Variants in POM121C observed in about 807,000 individuals in gnomAD.
The protein encoded by POM121C is POM121 transmembrane nucleoporin C.
A neutral mutation model predicts 66.4 loss-of-function variants in POM121C; 20 were observed. The ratio of observed to expected loss-of-function variants is 0.30; its 90% CI spans 0.21 to 0.44. The LOEUF is 0.44. Among genes scored for constraint, POM121C ranks in the 20% least tolerant of loss-of-function variants. POM121C has a pLI of 1.00. For missense variants in POM121C, 580 were observed against 1,225.7 expected, an observed-to-expected ratio of 0.47 and a Z score of 7.87; for synonymous variants, 286 against 528.0, an observed-to-expected ratio of 0.54 and a Z score of 6.28.
chr7:75,440,295 C>T (rs1790584733), intron 5 of POM121C, among the ~76,000 whole-genome samples: 1 of 151,400 alleles, frequency 6.6e-6, no homozygotes, highest in African/African-American at 2.4e-5. Context: ...GGGCCGGGCG[C>T]CATGGCTCAA....
chr7:75,482,654 C>T (rs1449263202), intron 1 of POM121C, among the ~76,000 whole-genome samples: 6 of 152,044 alleles, frequency 3.9e-5, no homozygotes, highest in African/African-American at 1.5e-4. Context: ...CACGTCTCTA[C>T]ACTCCAACCT....
chr7:75,441,037 C>T lies in POM121C; in HGVS notation c.144G>A (p.Leu48=). The stretch of plus-strand genomic sequence containing the variant: ...TCTTCTTCTTCTCTTTGAGGGCACT[C>T]AGTACAGTCTCCTTTGCACATGGGT... ...APDPCAKETV[L]SALKEKKKKR... The change falls in exon 5 of 15, where the codon CTG becomes CTA. Residue 48 remains leucine, a synonymous_variant. Transcript: ENST00000615331. 1 of 1,613,960 alleles carries T rather than the reference C, an allele frequency of 6.2e-7. No individual in the cohort carries two copies. Among genetic ancestry groups the T allele is most frequent in the African/African-American group, 1.3e-5 (1 of 75,038 alleles).
chr7:75,428,593 A>G (rs1289454241), intron 7 of POM121C, among the ~76,000 whole-genome samples: 1 of 152,152 alleles, frequency 6.6e-6, no homozygotes, highest in Admixed American at 6.5e-5. Flanking sequence ...AGTTAAAGTA[A>G]TAAAATTAAA....
Position 75,445,056 on chromosome 7 carries a change from CAT to C in POM121C, c.-151-3411_-151-3410del, listed in dbSNP as rs1790786912. 2.7e-5 allele frequency among the ~76,000 whole-genome samples: 4 copies of C among 147,782 alleles called. No homozygotes were observed. The Admixed American group carries it at 2.7e-4, about 10-fold the overall frequency. ...CAAGACTGGGAAAAACAACGTAACA[CAT>C]ATAACCAAAAGAGGATTCATAAGTA... On this transcript the variant is annotated intron_variant, in intron 3 of 14. Coordinates refer to ENST00000615331, the MANE Select transcript of POM121C (RefSeq NM_001099415.3).
intron 3 of POM121C, among the ~76,000 whole-genome samples, chr7:75,461,192 G>A (rs1382682596): frequency 3.3e-5 from 5 of 151,964 alleles, no homozygotes; most frequent in African/African-American, 9.7e-5. Context: ...AAAATGCAAC[G>A]TTCTCAACAA....
intron 7 of POM121C, among the ~76,000 whole-genome samples, chr7:75,436,909 T>C (rs1367704692): frequency 1.3e-5 from 2 of 152,010 alleles, no homozygotes; most frequent in Non-Finnish European, 2.9e-5. Flanking sequence ...GCATGAGCCA[T>C]CCCGCCCAGC....
In POM121C at chr7:75,416,905, C is replaced by T; in HGVS notation, c.*1891G>A. ...AGTCTCTATTTGTAATGGAAAGTCC[C>T]AGCCTCCCGCTGCCGTCCAGTGTGT... On this transcript the variant is annotated 3_prime_UTR_variant, in exon 15 of 15. Coordinates refer to ENST00000615331, the MANE Select transcript of POM121C (RefSeq NM_001099415.3). 4.9e-6 allele frequency: 7 copies of T among 1,432,750 alleles called. 1 individual carries two copies. The South Asian group carries it at 1.1e-4, about 22-fold the overall frequency. 88.8% of individuals were successfully genotyped at this position (1,432,750 alleles called of 1,614,324 possible). A position where few individuals can be genotyped will look rare whatever the true frequency, so the allele number is the denominator to read the frequency against.
At chr7:75,472,043 G>A (rs1252981459) in intron 3 of POM121C, among the ~76,000 whole-genome samples, 2 of 151,670 alleles carry the variant, frequency 1.3e-5, no homozygotes, top group Admixed American at 6.6e-5. Context: ...CCACCACCAC[G>A]CCCGGCTAAT....
chr7:75,471,009 A>G lies in POM121C; in HGVS notation c.-152+3695T>C, dbSNP rs1791853565. ...ACAATCTGAAAAAGGAATAAAACCC[A>G]AAGATTGACAACGGGCTAGAAAACC... On this transcript the variant is annotated intron_variant, in intron 3 of 14. Transcript: ENST00000615331. Among the ~76,000 whole-genome samples, 8 of 151,960 alleles carry G rather than the reference A, an allele frequency of 5.3e-5. No homozygotes were observed. The South Asian group carries it at 1.7e-3, about 32-fold the overall frequency.
chr7:75,468,522 T>C (rs587594006), intron 3 of POM121C, among the ~76,000 whole-genome samples: 1 of 152,204 alleles, frequency 6.6e-6, no homozygotes, highest in South Asian at 2.1e-4. Context: ...TTTCGCCATG[T>C]TGGCCAGGCT....
Position 75,475,174 on chromosome 7 carries a change from G to A in POM121C, c.-443C>T, listed in dbSNP as rs587673244. ...GGGTGAAATCCACAGCCACATCTTTGAATGACACTGGCCCCTGTAATGGCA... is the reference window on the plus strand; with the variant it reads ...GGGTGAAATCCACAGCCACATCTTTAAATGACACTGGCCCCTGTAATGGCA... On this transcript the variant is annotated 5_prime_UTR_variant, in exon 2 of 15. Transcript: ENST00000615331. 45 of 1,515,228 alleles carry A rather than the reference G, an allele frequency of 3.0e-5. No homozygotes were observed. The Admixed American group carries it at 5.5e-4, about 18-fold the overall frequency. The allele number at this position is 1,515,228 out of a possible 1,614,324, so 93.9% of individuals were successfully genotyped here. A position where few individuals can be genotyped will look rare whatever the true frequency, so the allele number is the denominator to read the frequency against.
At chr7:75,437,960 G>T (rs1463197980) in intron 6 of POM121C, among the ~76,000 whole-genome samples, 1 of 152,152 alleles carries the variant, frequency 6.6e-6, no homozygotes, top group Admixed American at 6.5e-5. Flanking sequence ...GACACGGGTG[G>T]AACTAAAGAG....
chr7:75,435,486 C>G (rs1298178465), intron 7 of POM121C, among the ~76,000 whole-genome samples: 1 of 151,880 alleles, frequency 6.6e-6, no homozygotes, highest in Non-Finnish European at 1.5e-5. Context: ...TTTCAAACAA[C>G]AAGTATTTTA....
At chr7:75,473,969 T>A (rs1179559489) in intron 3 of POM121C, among the ~76,000 whole-genome samples, 4 of 152,146 alleles carry the variant, frequency 2.6e-5, no homozygotes, top group Non-Finnish European at 5.9e-5. Flanking sequence ...ATTACAGGCG[T>A]TAGCCACCGC....
Position 75,419,434 on chromosome 7 carries a change from T to A in POM121C, c.2752A>T (p.Thr918Ser), listed in dbSNP as rs781854261. ...GGGGTGTTCTGACCAAAGGTGGGGG[T>A]GGCGGTGCCTGGAATGAAGAGAACA... ...ESKPVFGGTATPTFGQNTPAP... is the reference protein window; with the variant it reads ...ESKPVFGGTASPTFGQNTPAP... The change falls in exon 14 of 15, where the codon ACC becomes TCC. Residue 918 changes from threonine to serine, a missense_variant. Transcript: ENST00000615331. 5.6e-6 allele frequency: 9 copies of A among 1,613,054 alleles called. No homozygotes were observed. In the South Asian group the frequency reaches 6.6e-5, roughly 12 times the overall value.
intron 3 of POM121C, among the ~76,000 whole-genome samples, chr7:75,450,639 A>T (rs587657521): frequency 1.3e-5 from 2 of 152,258 alleles, no homozygotes; most frequent in Non-Finnish European, 2.9e-5. Flanking sequence ...AGCTGAACAC[A>T]TGCTAAAAGA....
In POM121C at chr7:75,476,616, C is replaced by A. The variant is rs186780174; in HGVS notation, c.-457-1428G>T. 1.2e-4 allele frequency among the ~76,000 whole-genome samples: 19 copies of A among 152,156 alleles called. No homozygotes were observed. The East Asian group carries it at 3.7e-3, about 29-fold the overall frequency. The stretch of plus-strand genomic sequence containing the variant: ...GGCAGGCCAAAGGAGCTGATAAAAT[C>A]ACCGAGAGAGAGTAATAACTTTCTG... On this transcript the variant is annotated intron_variant, in intron 1 of 14. Coordinates refer to ENST00000615331, the MANE Select transcript of POM121C (RefSeq NM_001099415.3).
chr7:75,465,469 G>C (rs1329464421), intron 3 of POM121C, among the ~76,000 whole-genome samples: 3 of 151,316 alleles, frequency 2.0e-5, no homozygotes, highest in African/African-American at 7.3e-5. Context: ...AGTAGCCTGA[G>C]TCCGGCCTGG....
chr7:75,482,878 T>C (rs1329867487), intron 1 of POM121C, among the ~76,000 whole-genome samples: 3 of 152,178 alleles, frequency 2.0e-5, no homozygotes, highest in Admixed American at 2.0e-4. Flanking sequence ...GCCCACTGGA[T>C]TTGACTGCAA....
Sources: gnomAD v4.1 joint callset for allele counts (sites outside exome capture counted in the v4.1 genomes callset) on GRCh38, gnomAD v4.1.1 for gene constraint, MANE v1.5 for transcripts, NCBI Gene and HGNC (gene_info 2026-07-23, HGNC 2026-07-21) for gene names.